CSMD1: variants seen among roughly 807,000 people sequenced by gnomAD.
CSMD1 encodes CUB and sushi domain-containing protein 1.
In CSMD1, 213 loss-of-function variants were observed where a neutral mutation model predicts 417.5. The ratio of observed to expected loss-of-function variants is 0.51; its 90% CI spans 0.46 to 0.57. CSMD1 has a LOEUF of 0.57. Among genes scored for constraint, CSMD1 ranks in the 20% least tolerant of loss-of-function variants. CSMD1 has a pLI of 0.00. For missense variants in CSMD1, 6,923 were observed against 4,529.7 expected, an observed-to-expected ratio of 1.53 and a Z score of -15.17; for synonymous variants, 2,862 against 1,736.8, an observed-to-expected ratio of 1.65 and a Z score of -16.11.
At chr8:4,083,511 G>C (rs377666013) in intron 3 of CSMD1, among the ~76,000 whole-genome samples, 4 of 152,140 alleles carry the variant, frequency 2.6e-5, no homozygotes, top group Non-Finnish European at 5.9e-5. Context: ...CAATGGAACA[G>C]AACACAGCCT....
chr8:4,795,852 A>C (rs569826726), intron 1 of CSMD1, among the ~76,000 whole-genome samples: 1 of 152,198 alleles, frequency 6.6e-6, no homozygotes, highest in Non-Finnish European at 1.5e-5. Context: ...AACACAAATG[A>C]GCTATAAATG....
chr8:3,849,069 A>C (rs1803702384), intron 5 of CSMD1, among the ~76,000 whole-genome samples: 1 of 152,092 alleles, frequency 6.6e-6, no homozygotes, highest in African/African-American at 2.4e-5. Flanking sequence ...CTCAATATAC[A>C]AGATTCCATT....
At chr8:3,471,297 T>C (rs1053718516) in intron 11 of CSMD1, among the ~76,000 whole-genome samples, 5 of 152,218 alleles carry the variant, frequency 3.3e-5, no homozygotes, top group African/African-American at 1.2e-4. Flanking sequence ...AGGTCTCTCT[T>C]TTCCTCCTTT....
intron 7 of CSMD1, among the ~76,000 whole-genome samples, chr8:3,684,165 T>G (rs1799813058): frequency 7.0e-6 from 1 of 142,498 alleles, no homozygotes; most frequent in South Asian, 2.1e-4. Flanking sequence ...ATTTATATAA[T>G]ATATATTTAC....
intron 7 of CSMD1, among the ~76,000 whole-genome samples, chr8:3,678,108 G>A (rs376636960): frequency 3.3e-5 from 5 of 152,104 alleles, no homozygotes; most frequent in South Asian, 2.1e-4. Flanking sequence ...CAGAGTGAGC[G>A]ACGCAGAAGA....
intron 6 of CSMD1, among the ~76,000 whole-genome samples, chr8:3,712,219 G>A (rs1412691465): frequency 6.6e-6 from 1 of 152,198 alleles, no homozygotes; most frequent in Non-Finnish European, 1.5e-5. Flanking sequence ...AAAAGGGAAG[G>A]TGACTTGTGG....
At chr8:4,149,422 T>C (rs577668765) in intron 3 of CSMD1, among the ~76,000 whole-genome samples, 11 of 152,322 alleles carry the variant, frequency 7.2e-5, no homozygotes, top group African/African-American at 2.6e-4. Flanking sequence ...TGAGCAATAT[T>C]TGAACGGTAT....
intron 49 of CSMD1, among the ~76,000 whole-genome samples, chr8:3,076,806 A>G (rs1813717390): frequency 6.6e-6 from 1 of 152,206 alleles, no homozygotes; most frequent in Admixed American, 6.5e-5. Context: ...TCGAAGGTAC[A>G]GCAGAATCTC....
At chr8:3,994,294 T>G (rs1815028773) in intron 5 of CSMD1, among the ~76,000 whole-genome samples, 1 of 152,068 alleles carries the variant, frequency 6.6e-6, no homozygotes, top group Admixed American at 6.6e-5. Context: ...GCTCCCTCAG[T>G]GTTCCCAGCC....
chr8:3,555,056 C>A (rs566473918), intron 10 of CSMD1, among the ~76,000 whole-genome samples: 3 of 152,140 alleles, frequency 2.0e-5, no homozygotes, highest in African/African-American at 7.2e-5. Context: ...CCAGGGAAGG[C>A]TAAGGAGCCA....
At chr8:4,843,847 A>G (rs1800979279) in intron 1 of CSMD1, among the ~76,000 whole-genome samples, 2 of 152,216 alleles carry the variant, frequency 1.3e-5, no homozygotes, top group Admixed American at 1.3e-4. Context: ...TGAACCCTGA[A>G]TTTGGAGTCA....
At chr8:4,413,770 C>T (rs17070185) in intron 3 of CSMD1, among the ~76,000 whole-genome samples, 4 of 151,904 alleles carry the variant, frequency 2.6e-5, no homozygotes, top group East Asian at 2.0e-4. Flanking sequence ...GGAGGACAAA[C>T]GAGAGATTTC....
chr8:4,640,891 C>A (rs575344247), intron 1 of CSMD1, among the ~76,000 whole-genome samples: 1 of 147,148 alleles, frequency 6.8e-6, no homozygotes, highest in Admixed American at 6.8e-5. Context: ...GTCTAATGGT[C>A]TTCTTCCTCC....
chr8:3,630,417 G>C (rs1028307695), intron 7 of CSMD1, among the ~76,000 whole-genome samples: 3 of 152,214 alleles, frequency 2.0e-5, no homozygotes, highest in African/African-American at 7.2e-5. Context: ...GAAAAAAGAT[G>C]AATTGGCCCA....
chr8:4,548,716 C>A (rs904941755), intron 2 of CSMD1, among the ~76,000 whole-genome samples: 2 of 152,088 alleles, frequency 1.3e-5, no homozygotes, highest in African/African-American at 4.8e-5. Context: ...TTTAACTGAT[C>A]TCCAGTTGTC....
At chr8:4,326,485 G>A (rs867237231) in intron 3 of CSMD1, among the ~76,000 whole-genome samples, 2 of 152,136 alleles carry the variant, frequency 1.3e-5, no homozygotes, top group Non-Finnish European at 2.9e-5. Flanking sequence ...GAAGTATCAA[G>A]AGGAGATAGG....
At chr8:4,104,376 G>A (rs928732881) in intron 3 of CSMD1, among the ~76,000 whole-genome samples, 2 of 152,122 alleles carry the variant, frequency 1.3e-5, no homozygotes, top group Non-Finnish European at 2.9e-5. Flanking sequence ...AAAATGCACA[G>A]GGCAGTACTA....
At chr8:4,802,453 T>C (rs1798352857) in intron 1 of CSMD1, among the ~76,000 whole-genome samples, 1 of 152,110 alleles carries the variant, frequency 6.6e-6, no homozygotes, top group African/African-American at 2.4e-5. Context: ...CATCTCACAG[T>C]GGACTTGAAA....
chr8:3,770,448 G>T (rs1333503991), intron 5 of CSMD1, among the ~76,000 whole-genome samples: 1 of 152,100 alleles, frequency 6.6e-6, no homozygotes, highest in African/African-American at 2.4e-5. Flanking sequence ...AGATTCTCTT[G>T]AACCCAAGAG....
Sources: allele counts gnomAD v4.1 joint callset (sites outside exome capture counted in the v4.1 genomes callset), GRCh38; gene constraint gnomAD v4.1.1; transcripts MANE v1.5; gene names NCBI Gene and HGNC (gene_info 2026-07-23, HGNC 2026-07-21).